Variants in ATP8B4 observed in about 807,000 individuals in gnomAD.
ATP8B4 encodes ATPase phospholipid transporting 8B4 (putative).
In ATP8B4, 133 loss-of-function variants were observed where a neutral mutation model predicts 145.6. The observed-to-expected ratio is 0.91, with a 90% CI of 0.79 to 1.05. The LOEUF (loss-of-function observed/expected upper bound fraction) is 1.05. Ranked by LOEUF, ATP8B4 falls within the 50% of genes least tolerant of loss-of-function variation. The pLI is 0.00. For synonymous variants in ATP8B4, 507 were observed against 492.9 expected (o/e 1.03, Z -0.38); for missense variants, 1,458 against 1,425.2 (o/e 1.02, Z -0.37).
At chr15:50,174,288 A>C (rs983956914) in intron 1 of ATP8B4, among the ~76,000 whole-genome samples, 1 of 152,184 alleles carries the variant, frequency 6.6e-6, no homozygotes, top group African/African-American at 2.4e-5. Context: ...TGGAAGTCCT[A>C]GCCAGAGTAA....
intron 7 of ATP8B4, among the ~76,000 whole-genome samples, chr15:50,007,020 CA>C (rs1174826780): frequency 6.6e-6 from 1 of 151,824 alleles, no homozygotes; most frequent in Non-Finnish European, 1.5e-5. Flanking sequence ...CTGGTCCTTC[CA>C]AAAAACTAGG....
intron 6 of ATP8B4, among the ~76,000 whole-genome samples, chr15:50,035,301 G>C (rs968385840): frequency 6.6e-6 from 1 of 152,192 alleles, no homozygotes; most frequent in African/African-American, 2.4e-5. Flanking sequence ...GGATGTATGT[G>C]TGTACTTACA....
chr15:50,158,159 C>A (rs1193377091), intron 1 of ATP8B4, among the ~76,000 whole-genome samples: 3 of 152,076 alleles, frequency 2.0e-5, no homozygotes, highest in Non-Finnish European at 4.4e-5. Context: ...GAGATTGCAG[C>A]CTCTGCCCAG....
upstream of ATP8B4, among the ~76,000 whole-genome samples, chr15:50,122,178 C>A (rs150540830): frequency 6.6e-6 from 1 of 152,142 alleles, no homozygotes; most frequent in Non-Finnish European, 1.5e-5. Flanking sequence ...AGATTAACTA[C>A]CTGTAACAAG....
intron 2 of ATP8B4, 62 bp from the exon 3 acceptor site, chr15:50,074,247 TA>T: frequency 7.1e-7 from 1 of 1,407,286 alleles, no homozygotes; most frequent in Non-Finnish European, 9.9e-7. Flanking sequence ...AATAACTCAT[TA>T]AAACAACAAG....
At chr15:50,009,786 T>C (rs7175148) in intron 7 of ATP8B4, 17,227 of 395,206 alleles carry the variant, frequency 0.044, 564 homozygotes, top group South Asian at 0.092. Context: ...TTAACCAGAG[T>C]GGACTTTGAG....
intron 5 of ATP8B4, among the ~76,000 whole-genome samples, chr15:50,040,095 C>T (rs1479228287): frequency 6.6e-6 from 1 of 152,218 alleles, no homozygotes; most frequent in African/African-American, 2.4e-5. Flanking sequence ...ACCATATCTA[C>T]ACAGCATTCG....
In ATP8B4 at chr15:49,918,932, C is replaced by T. The variant is rs1599132987; in HGVS notation, c.1942G>A (p.Val648Ile). 1.9e-6 allele frequency: 3 copies of T among 1,612,380 alleles called. No homozygotes were observed. The highest frequency in any genetic ancestry group is 2.5e-6 in the Non-Finnish European group (3 of 1,178,862). Residue 648 changes from valine (V) to isoleucine (I), a missense_variant, in exon 19 of 28, where the codon GTA (valine) becomes ATA (isoleucine). Physicochemically the swap from Val to Ile is conservative, Grantham distance 29. Transcript: ENST00000284509. ...RDLMLLGATA[V>I]EDKLQEGVIE... is the part of the protein sequence containing the mutation. ...ACACCCTCCTGTAACTTATCTTCTACAGCAGTGGCACCTAGTAGCTTTATT... is the reference window on the plus strand; with the variant it reads ...ACACCCTCCTGTAACTTATCTTCTATAGCAGTGGCACCTAGTAGCTTTATT...
At chr15:50,104,404 T>C (rs911399909) in intron 2 of ATP8B4, among the ~76,000 whole-genome samples, 2 of 151,636 alleles carry the variant, frequency 1.3e-5, no homozygotes, top group African/African-American at 2.4e-5. Context: ...ACGGATCCCA[T>C]CAAAAAGTGG....
At chr15:49,996,434 T>G (rs2047431627) in intron 9 of ATP8B4, among the ~76,000 whole-genome samples, 1 of 152,090 alleles carries the variant, frequency 6.6e-6, no homozygotes, top group Non-Finnish European at 1.5e-5. Flanking sequence ...ATTATGGGAT[T>G]GAAGTAAATG....
chr15:50,161,682 TTTTTG>T (rs1309232758), intron 1 of ATP8B4, among the ~76,000 whole-genome samples: 2 of 151,886 alleles, frequency 1.3e-5, no homozygotes, highest in African/African-American at 2.4e-5. Flanking sequence ...ACTTTTTACC[TTTTTG>T]TTTTTTCTAT....
chr15:49,923,424 A>G lies in ATP8B4; in HGVS notation c.1713T>C (p.His571=), dbSNP rs1410991585. Residue 571 remains histidine (H), a synonymous_variant, in exon 17 of 28, where the codon CAT becomes CAC. Transcript: ENST00000284509. ...AAGACAAAAGGACTTCATTGGAAGG[A>G]TGAAGTTTTTCAAACAGAATAGTAT... ...GADTILFEKL[H]PSNEVLLSLT... 3 of 1,613,786 alleles carry G rather than the reference A, an allele frequency of 1.9e-6. No homozygotes were observed. Among genetic ancestry groups the G allele is most frequent in the East Asian group, 2.2e-5 (1 of 44,882 alleles).
At chr15:50,104,194 C>T (rs1005417587) in intron 2 of ATP8B4, among the ~76,000 whole-genome samples, 13 of 152,080 alleles carry the variant, frequency 8.5e-5, no homozygotes, top group African/African-American at 3.1e-4. Flanking sequence ...TGACCAAGAA[C>T]CCAAGAGCAA....
At chr15:49,992,889 T>C (rs1038271350) in intron 9 of ATP8B4, among the ~76,000 whole-genome samples, 2 of 152,120 alleles carry the variant, frequency 1.3e-5, no homozygotes, top group African/African-American at 2.4e-5. Context: ...AGCCAGGGCA[T>C]TGCCAAACAT....
chr15:50,114,128 T>TTTTA (rs869306298), intron 1 of ATP8B4, among the ~76,000 whole-genome samples: 23 of 130,612 alleles, frequency 1.8e-4, no homozygotes, highest in Non-Finnish European at 3.4e-4. Flanking sequence ...TTTTTTTTTT[T>TTTTA]AATTTTCATA....
chr15:50,080,985 C>A (rs1300851688), intron 2 of ATP8B4, among the ~76,000 whole-genome samples: 1 of 152,072 alleles, frequency 6.6e-6, no homozygotes, highest in African/African-American at 2.4e-5. Context: ...TGGTGGCGGG[C>A]ACCTCTAGTC....
At chr15:50,057,717 C>T (rs1349597905) in intron 3 of ATP8B4, among the ~76,000 whole-genome samples, 1 of 152,208 alleles carries the variant, frequency 6.6e-6, no homozygotes, top group Non-Finnish European at 1.5e-5. Flanking sequence ...GACAGCATCA[C>T]AAACTTTGTT....
intron 1 of ATP8B4, among the ~76,000 whole-genome samples, chr15:50,144,453 A>T (rs2044250500): frequency 6.6e-6 from 1 of 152,204 alleles, no homozygotes; most frequent in African/African-American, 2.4e-5. Flanking sequence ...ATCATGGCAG[A>T]AGGCAAAGAG....
chr15:49,880,213 G>A (rs1416622031), intron 23 of ATP8B4: 1 of 152,230 alleles, frequency 6.6e-6, no homozygotes, highest in Admixed American at 6.5e-5. Context: ...AGGGAATGTG[G>A]GAGGGCTGTA....
Sources: gnomAD v4.1 joint callset for allele counts (sites outside exome capture counted in the v4.1 genomes callset) on GRCh38, gnomAD v4.1.1 for gene constraint, MANE v1.5 for transcripts, NCBI Gene and HGNC (gene_info 2026-07-23, HGNC 2026-07-21) for gene names.